Variants in POU2F1 observed in about 807,000 individuals in gnomAD.
POU2F1 encodes the protein POU class 2 homeobox 1.
Under a neutral mutation model 84.9 loss-of-function variants are expected in POU2F1, and 16 were observed. That is an observed-to-expected ratio of 0.19 (90% CI 0.13 to 0.29). The LOEUF (loss-of-function observed/expected upper bound fraction) is 0.29. Among genes scored for constraint, POU2F1 ranks in the 10% least tolerant of loss-of-function variants. The pLI is 1.00. For synonymous variants in POU2F1, 368 were observed against 368.3 expected, an observed-to-expected ratio of 1.00 and a Z score of 0.01; for missense variants, 738 against 942.6, an observed-to-expected ratio of 0.78 and a Z score of 2.84.
At chr1:167,249,191 C>G (rs527657979) in intron 1 of POU2F1, among the ~76,000 whole-genome samples, 82 of 152,326 alleles carry the variant, frequency 5.4e-4, no homozygotes, top group Non-Finnish European at 4.4e-4. Context: ...CATCTCCAAG[C>G]TTTCCCTAGT....
chr1:167,245,783 C>T (rs1235183606), intron 1 of POU2F1, among the ~76,000 whole-genome samples: 3 of 152,308 alleles, frequency 2.0e-5, no homozygotes, highest in African/African-American at 4.8e-5. Context: ...TCTCAAACTC[C>T]TGGGCTTAAG....
chr1:167,305,717 C>T (rs919943913), intron 1 of POU2F1, among the ~76,000 whole-genome samples: 2 of 152,098 alleles, frequency 1.3e-5, no homozygotes, highest in Non-Finnish European at 1.5e-5. Flanking sequence ...ACAGATAGTA[C>T]TTTGATTTTA....
At chr1:167,332,307 A>T (rs953671010) in intron 1 of POU2F1, among the ~76,000 whole-genome samples, 163 bp from the exon 2 acceptor site, 5 of 152,118 alleles carry the variant, frequency 3.3e-5, no homozygotes, top group African/African-American at 1.2e-4. Context: ...ATAACCTTTT[A>T]TTATAATTTC....
chr1:167,228,147 T>C (rs192943967), intron 1 of POU2F1, among the ~76,000 whole-genome samples: 1 of 152,268 alleles, frequency 6.6e-6, no homozygotes, highest in Admixed American at 6.5e-5. Context: ...GAGAAGGCCA[T>C]TGAAGGGGAG....
chr1:167,229,309 G>A (rs1311961367), intron 1 of POU2F1, among the ~76,000 whole-genome samples: 1 of 152,116 alleles, frequency 6.6e-6, no homozygotes, highest in Non-Finnish European at 1.5e-5. Context: ...ATGTAGGGAT[G>A]TTGGGAAAAG....
intron 1 of POU2F1, among the ~76,000 whole-genome samples, chr1:167,262,798 G>T (rs1259128759): frequency 6.6e-6 from 1 of 152,128 alleles, no homozygotes; most frequent in Non-Finnish European, 1.5e-5. Flanking sequence ...GGGTGGGGTT[G>T]CATTTAAGAA....
intron 1 of POU2F1, among the ~76,000 whole-genome samples, chr1:167,263,020 A>G (rs1324717693): frequency 6.6e-6 from 1 of 152,206 alleles, no homozygotes; most frequent in Non-Finnish European, 1.5e-5. Flanking sequence ...ATATGATCTG[A>G]GCCATACTTT....
intron 1 of POU2F1, among the ~76,000 whole-genome samples, chr1:167,303,001 T>C (rs1557879946): frequency 6.6e-6 from 1 of 152,214 alleles, no homozygotes; most frequent in Non-Finnish European, 1.5e-5. Flanking sequence ...AAATATAATC[T>C]TATATCTTTT....
chr1:167,260,232 C>T (rs531275078), intron 1 of POU2F1, among the ~76,000 whole-genome samples: 37 of 152,250 alleles, frequency 2.4e-4, no homozygotes, highest in Non-Finnish European at 5.1e-4. Context: ...TTAAAAAAAT[C>T]GTTACATCTT....
At chr1:167,258,386 C>T (rs1651305391) in intron 1 of POU2F1, among the ~76,000 whole-genome samples, 1 of 152,228 alleles carries the variant, frequency 6.6e-6, no homozygotes, top group Non-Finnish European at 1.5e-5. Flanking sequence ...AATTGTTTGA[C>T]AACCAGTTAT....
chr1:167,282,271 A>G (rs1437636222), intron 1 of POU2F1, among the ~76,000 whole-genome samples: 7 of 110,978 alleles, frequency 6.3e-5, no homozygotes, highest in African/African-American at 1.4e-4. Context: ...AGCCTCCCGA[A>G]TAGCTGGGAT....
In POU2F1 at chr1:167,376,436, A is replaced by T. The variant is rs1212350767; in HGVS notation, c.718+281A>T. 1.0e-5 allele frequency: 3 copies of T among 287,032 alleles called. No homozygotes were observed. In the East Asian group the frequency reaches 2.0e-4, roughly 19 times the overall value. 17.8% of individuals were successfully genotyped at this position (287,032 alleles called of 1,614,324 possible). A position where few individuals can be genotyped will look rare whatever the true frequency, so the allele number is the denominator to read the frequency against. On this transcript the variant is annotated intron_variant, in intron 7 of 15. Coordinates refer to ENST00000367866, the MANE Select transcript of POU2F1 (RefSeq NM_002697.4). ...TAAGTGAAATTATTCAACATGCCAA[A>T]CATAAATTGGATAAGTTGCTGCTAG...
At chr1:167,285,408 T>C (rs266822) in intron 1 of POU2F1, among the ~76,000 whole-genome samples, 112,644 of 152,080 alleles carry the variant, frequency 0.74, 41,888 homozygotes, top group East Asian at 0.87. Flanking sequence ...ATCGAGACCA[T>C]GGTGAAACCC....
intron 2 of POU2F1, among the ~76,000 whole-genome samples, chr1:167,337,261 G>GCTGAGATCAC (rs1401236073): frequency 6.6e-6 from 1 of 151,810 alleles, no homozygotes; most frequent in Non-Finnish European, 1.5e-5. Context: ...GGGCAGTCGA[G>GCTGAGATCAC]GCTACAGTGA....
chr1:167,283,190 A>G (rs111726029), intron 1 of POU2F1, among the ~76,000 whole-genome samples: 5 of 152,302 alleles, frequency 3.3e-5, no homozygotes, highest in African/African-American at 1.2e-4. Flanking sequence ...TTATTTAAAA[A>G]TATTTGAGCA....
intron 1 of POU2F1, among the ~76,000 whole-genome samples, chr1:167,260,388 T>G (rs1438278938): frequency 1.3e-5 from 2 of 152,216 alleles, no homozygotes; most frequent in Non-Finnish European, 2.9e-5. Flanking sequence ...ACTATTGTAT[T>G]TATCAGCCTT....
chr1:167,353,122 C>G (rs906409056), intron 2 of POU2F1, among the ~76,000 whole-genome samples: 1 of 152,234 alleles, frequency 6.6e-6, no homozygotes, highest in Non-Finnish European at 1.5e-5. Context: ...CCAACTGTCT[C>G]TCAGCTGGGT....
At chr1:167,282,390 C>T (rs925565897) in intron 1 of POU2F1, among the ~76,000 whole-genome samples, 5 of 152,010 alleles carry the variant, frequency 3.3e-5, no homozygotes, top group East Asian at 3.9e-4. Flanking sequence ...GTAATCCGCC[C>T]GCCTCGGCCT....
intron 8 of POU2F1, among the ~76,000 whole-genome samples, chr1:167,386,840 CAT>C (rs1196805864): frequency 5.9e-5 from 9 of 152,126 alleles, no homozygotes; most frequent in South Asian, 2.1e-4. Flanking sequence ...GTACATAAAA[CAT>C]ATTAGTGGTT....
Sources: allele counts gnomAD v4.1 joint callset (sites outside exome capture counted in the v4.1 genomes callset), GRCh38; gene constraint gnomAD v4.1.1; transcripts MANE v1.5; gene names NCBI Gene and HGNC (gene_info 2026-07-23, HGNC 2026-07-21).